Variants in ADARB2 observed in about 807,000 individuals in gnomAD.
The protein encoded by ADARB2 is inactive double-stranded RNA-specific editase B2.
A neutral mutation model predicts 62.2 loss-of-function variants in ADARB2; 25 were observed. The observed-to-expected ratio is 0.40, with a 90% CI of 0.29 to 0.56. The LOEUF (loss-of-function observed/expected upper bound fraction) is 0.56. Ranked by LOEUF, ADARB2 falls within the 20% of genes least tolerant of loss-of-function variation. ADARB2 has a pLI of 0.43. For missense variants in ADARB2, 1,071 were observed against 1,077.4 expected, an observed-to-expected ratio of 0.99 and a Z score of 0.08; for synonymous variants, 572 against 500.8, an observed-to-expected ratio of 1.14 and a Z score of -1.90.
chr10:1,248,299 C>G lies in ADARB2; in HGVS notation c.1193-6000G>C, dbSNP rs560485665. Reference sequence around the variant, plus strand: ...TCCTGAGGTCCCGTCTCCAGCTGACCAAACAGGAAGCTCTGGAGTGTGAGG... The same window carrying G: ...TCCTGAGGTCCCGTCTCCAGCTGACGAAACAGGAAGCTCTGGAGTGTGAGG... On this transcript the variant is annotated intron_variant, in intron 4 of 9. Transcript: ENST00000381312. Among the ~76,000 whole-genome samples, 262 of 149,930 alleles carry G rather than the reference C, an allele frequency of 1.7e-3. 4 individuals are homozygous for G. Among genetic ancestry groups the G allele is most frequent in the African/African-American group, 6.2e-3 (251 of 40,420 alleles).
In ADARB2 at chr10:1,276,642, CAAACA is replaced by C. The variant is rs1454790250; in HGVS notation, c.1078-5578_1078-5574del. On this transcript the variant is annotated intron_variant, in intron 3 of 9. Coordinates refer to ENST00000381312, the MANE Select transcript of ADARB2 (RefSeq NM_018702.4). ...AGACCTACGAAAAGACTTAGACTCC[CAAACA>C]ATAATAACGGGAGACTTTAACACCC... Among the ~76,000 whole-genome samples, 99 of 152,256 alleles carry C rather than the reference CAAACA, an allele frequency of 6.5e-4. No individual in the cohort carries two copies. In the Middle Eastern group the frequency reaches 0.01, roughly 16 times the overall value.
chr10:1,708,127 C>T (rs1002031171), intron 1 of ADARB2, among the ~76,000 whole-genome samples: 2 of 152,190 alleles, frequency 1.3e-5, no homozygotes, highest in Non-Finnish European at 2.9e-5. Context: ...CTGCTCCGTG[C>T]GGGCTGCCTT....
intron 3 of ADARB2, among the ~76,000 whole-genome samples, chr10:1,344,329 G>A (rs58055259): frequency 0.024 from 3,645 of 152,308 alleles, 85 homozygotes; most frequent in East Asian, 0.11. Context: ...CGTGGCCGTC[G>A]CGGCAATGAC....
chr10:1,553,094 G>A (rs61831945), intron 1 of ADARB2, among the ~76,000 whole-genome samples: 32,922 of 151,894 alleles, frequency 0.22, 3,762 homozygotes, highest in Non-Finnish European at 0.25. Flanking sequence ...GGAGCACCGC[G>A]TCCTCGCAGC....
intron 1 of ADARB2, among the ~76,000 whole-genome samples, chr10:1,662,090 G>C (rs773601126): frequency 6.6e-6 from 1 of 152,200 alleles, no homozygotes; most frequent in South Asian, 2.1e-4. Context: ...ACTTTTCAGC[G>C]TTGAAGGTGC....
chr10:1,200,165 A>G lies in ADARB2; in HGVS notation c.1683-18T>C, dbSNP rs1424707601. The stretch of plus-strand genomic sequence containing the variant: ...CGTTCCACCTGTGGGGAGAGCCAGC[A>G]GTCAGCGGAGCCCCACCCAGGAGCC... On this transcript the variant is annotated intron_variant, in intron 7 of 9. Coordinates refer to ENST00000381312, the MANE Select transcript of ADARB2 (RefSeq NM_018702.4). 3 of 1,550,186 alleles carry G rather than the reference A, an allele frequency of 1.9e-6. No individual in the cohort carries two copies. Among genetic ancestry groups the G allele is most frequent in the Admixed American group, 2.0e-5 (1 of 50,986 alleles).
Position 1,630,237 on chromosome 10 carries a change from A to G in ADARB2, c.100+106814T>C, listed in dbSNP as rs558292118. 6.6e-5 allele frequency among the ~76,000 whole-genome samples: 10 copies of G among 152,324 alleles called. No homozygotes were observed. In the South Asian group the frequency reaches 1.9e-3, roughly 28 times the overall value. ...CATTCTGGGTCCATGAATGGGACAG[A>G]CTAGAGCTTGGCCCTCCCGACACTT... On this transcript the variant is annotated intron_variant, in intron 1 of 9. Coordinates refer to ENST00000381312, the MANE Select transcript of ADARB2 (RefSeq NM_018702.4).
chr10:1,210,942 C>T (rs117298300), intron 7 of ADARB2, among the ~76,000 whole-genome samples: 4,584 of 152,298 alleles, frequency 0.03, 112 homozygotes, highest in Middle Eastern at 0.075. Context: ...CAGCTAGCAC[C>T]TGGGCAACGC....
chr10:1,261,589 A>G lies in ADARB2; in HGVS notation c.1192+9366T>C, dbSNP rs534959351. ...GGCCATCAGAGAAATGCAAATCAAAACCACAATGAGATACCATCTCACACC... is the reference window on the plus strand; with the variant it reads ...GGCCATCAGAGAAATGCAAATCAAAGCCACAATGAGATACCATCTCACACC... On this transcript the variant is annotated intron_variant, in intron 4 of 9. Coordinates refer to ENST00000381312, the MANE Select transcript of ADARB2 (RefSeq NM_018702.4). Among the ~76,000 whole-genome samples the G allele has an allele frequency of 1.5e-3, 229 of 150,028 alleles. 5 individuals carry two copies. Among genetic ancestry groups the G allele is most frequent in the Middle Eastern group, 6.8e-3 (2 of 294 alleles).
chr10:1,668,902 G>A (rs1834345777), intron 1 of ADARB2, among the ~76,000 whole-genome samples: 1 of 152,202 alleles, frequency 6.6e-6, no homozygotes, highest in Admixed American at 6.5e-5. Context: ...GGTGGCAAAG[G>A]TGTTATTATG....
intron 4 of ADARB2, among the ~76,000 whole-genome samples, chr10:1,259,111 G>C (rs1012839111): frequency 1.3e-5 from 2 of 152,294 alleles, no homozygotes. Flanking sequence ...GGAGAACAAA[G>C]ACACAACATA....
At chr10:1,533,264 G>A (rs2176379) in intron 1 of ADARB2, among the ~76,000 whole-genome samples, 38,176 of 150,168 alleles carry the variant, frequency 0.25, 4,976 homozygotes, top group African/African-American at 0.29. Flanking sequence ...GACTACAGGC[G>A]TGCGCCACCA....
chr10:1,617,622 T>G (rs1833658427), intron 1 of ADARB2, among the ~76,000 whole-genome samples: 1 of 145,206 alleles, frequency 6.9e-6, no homozygotes, highest in Non-Finnish European at 1.5e-5. Flanking sequence ...TCCTGGGAAC[T>G]GGCGTCAGAG....
At chr10:1,244,567 G>C (rs1215509615) in intron 4 of ADARB2, among the ~76,000 whole-genome samples, 2 of 152,214 alleles carry the variant, frequency 1.3e-5, no homozygotes, top group Non-Finnish European at 2.9e-5. Flanking sequence ...GGCCCAAGAA[G>C]TGTTTGCATA....
At chr10:1,481,919 T>C (rs1011898795) in intron 1 of ADARB2, among the ~76,000 whole-genome samples, 1 of 151,426 alleles carries the variant, frequency 6.6e-6, no homozygotes, top group East Asian at 1.9e-4. Context: ...CCATCCAACT[T>C]AAAAACTGGC....
At chr10:1,653,629 C>T (rs974127541) in intron 1 of ADARB2, among the ~76,000 whole-genome samples, 6 of 143,014 alleles carry the variant, frequency 4.2e-5, no homozygotes, top group African/African-American at 1.0e-4. Context: ...CCTGCAGAGC[C>T]GCAGTGTCCA....
At position 1,289,508 on chromosome 10, in the gene ADARB2, C is replaced by T. The variant is rs376431916; in HGVS notation, c.1078-18439G>A. ...GCCTTCAGGGGGAGGCCTCTGCCCA[C>T]GGCACCGTCAGGAAGCCCGAGTCTG... is the stretch of plus-strand genomic sequence containing the variant. On this transcript the variant is annotated intron_variant, in intron 3 of 9. Coordinates refer to ENST00000381312, the MANE Select transcript of ADARB2 (RefSeq NM_018702.4). 9.8e-4 allele frequency among the ~76,000 whole-genome samples: 149 copies of T among 152,346 alleles called. 1 individual carries two copies. The highest frequency in any genetic ancestry group is 1.7e-3 in the Non-Finnish European group (114 of 68,026).
chr10:1,206,504 T>C (rs1456657410), intron 7 of ADARB2, among the ~76,000 whole-genome samples: 4 of 151,500 alleles, frequency 2.6e-5, no homozygotes, highest in African/African-American at 7.3e-5. Context: ...TCCTCGTGCC[T>C]GTGTGGTCTG....
rs188677447 is a variant in ADARB2, at chr10:1,276,305, C to G, written c.1078-5236G>C. On this transcript the variant is annotated intron_variant, in intron 3 of 9. Coordinates refer to ENST00000381312, the MANE Select transcript of ADARB2 (RefSeq NM_018702.4). Reference sequence around the variant, plus strand: ...TGTCTTTTGGCTGCATAAATGTCTTCTTTTGAGAAGTGTCTGTTCATATCC... The same window carrying G: ...TGTCTTTTGGCTGCATAAATGTCTTGTTTTGAGAAGTGTCTGTTCATATCC... 1.3e-4 allele frequency among the ~76,000 whole-genome samples: 20 copies of G among 152,258 alleles called. No homozygotes were observed. In the East Asian group the frequency reaches 3.9e-3, roughly 29 times the overall value.
Sources: allele counts gnomAD v4.1 joint callset (sites outside exome capture counted in the v4.1 genomes callset), GRCh38; gene constraint gnomAD v4.1.1; transcripts MANE v1.5; gene names NCBI Gene and HGNC (gene_info 2026-07-23, HGNC 2026-07-21).